Variants in MIS18A observed in about 807,000 individuals in gnomAD.
MIS18A encodes the protein protein Mis18-alpha.
A neutral mutation model predicts 25.0 loss-of-function variants in MIS18A; 14 were observed. That is an observed-to-expected ratio of 0.56 (90% CI 0.37 to 0.88). The LOEUF (loss-of-function observed/expected upper bound fraction) is 0.88. Ranked by LOEUF, MIS18A falls within the 40% of genes least tolerant of loss-of-function variation. The probability of loss-of-function intolerance (pLI) is 0.00; values close to 1 mark genes in which losing one functional copy is unlikely to be tolerated. For missense variants in MIS18A, 292 were observed against 290.8 expected, an observed-to-expected ratio of 1.00 and a Z score of -0.03; for synonymous variants, 134 against 118.6, an observed-to-expected ratio of 1.13 and a Z score of -0.84.
intron 2 of MIS18A, among the ~76,000 whole-genome samples, chr21:32,271,981 T>G (rs1569014563): frequency 1.3e-5 from 2 of 152,154 alleles, no homozygotes; most frequent in African/African-American, 4.8e-5. Context: ...TAAGACTGTT[T>G]TATCCCGAGT....
At chr21:32,264,960 C>A (rs1041486895), downstream of MIS18A, among the ~76,000 whole-genome samples, 2 of 152,204 alleles carry the variant, frequency 1.3e-5, no homozygotes, top group African/African-American at 4.8e-5. Context: ...GCACAATGTT[C>A]TACAAACATC....
chr21:32,217,724 G>A, the MIS18A span, among the ~76,000 whole-genome samples: 6 of 152,036 alleles, frequency 3.9e-5, no homozygotes, highest in Non-Finnish European at 7.4e-5. Context: ...AGACAGTAGA[G>A]ATCCATCATG....
the MIS18A span, among the ~76,000 whole-genome samples, chr21:32,227,049 T>A: frequency 6.6e-6 from 1 of 151,938 alleles, no homozygotes; most frequent in Non-Finnish European, 1.5e-5. Flanking sequence ...ACACAACATA[T>A]CTATGGGATG....
the MIS18A span, among the ~76,000 whole-genome samples, chr21:32,262,523 G>A: frequency 9.9e-5 from 15 of 152,156 alleles, no homozygotes; most frequent in Non-Finnish European, 1.6e-4. Flanking sequence ...TGAAAGTGAC[G>A]ACATCCTGGA....
the MIS18A span, among the ~76,000 whole-genome samples, chr21:32,209,394 G>A: frequency 3.3e-5 from 5 of 152,146 alleles, no homozygotes; most frequent in African/African-American, 1.2e-4. Context: ...CTGAACCTTG[G>A]CTCTACCATC....
At chr21:32,179,427 T>G in the MIS18A span, among the ~76,000 whole-genome samples, 1 of 132,310 alleles carries the variant, frequency 7.6e-6, no homozygotes, top group Non-Finnish European at 1.6e-5. Context: ...ATGTCCCCCT[T>G]CATGCACACA....
the MIS18A span, among the ~76,000 whole-genome samples, chr21:32,231,045 G>A: frequency 3.3e-5 from 5 of 151,784 alleles, no homozygotes; most frequent in African/African-American, 1.2e-4. Flanking sequence ...GACCAGCCTG[G>A]CCAACACAGT....
the MIS18A span, among the ~76,000 whole-genome samples, chr21:32,181,341 G>C: frequency 5.5e-4 from 84 of 152,116 alleles, no homozygotes; most frequent in South Asian, 1.0e-3. Context: ...GGACTCTTCA[G>C]CCTCCATAAT....
downstream of MIS18A, among the ~76,000 whole-genome samples, chr21:32,266,978 A>G (rs1012890494): frequency 1.3e-5 from 2 of 152,068 alleles, no homozygotes; most frequent in African/African-American, 2.4e-5. Flanking sequence ...ACACACACAC[A>G]CACACACACA....
At chr21:32,225,351 C>T in the MIS18A span, among the ~76,000 whole-genome samples, 3 of 100,764 alleles carry the variant, frequency 3.0e-5, 1 homozygote, top group Non-Finnish European at 5.6e-5. Context: ...CAACCTACAA[C>T]ATGGGAGAAA....
the MIS18A span, among the ~76,000 whole-genome samples, chr21:32,169,396 C>T: frequency 6.6e-6 from 1 of 152,042 alleles, no homozygotes; most frequent in African/African-American, 2.4e-5. Flanking sequence ...ATCATCAGTG[C>T]CAATTAATTA....
the MIS18A span, among the ~76,000 whole-genome samples, chr21:32,250,605 C>T: frequency 6.6e-6 from 1 of 152,228 alleles, no homozygotes; most frequent in Non-Finnish European, 1.5e-5. Context: ...ACTCTCAGAC[C>T]TTCCAGAAGG....
the MIS18A span, among the ~76,000 whole-genome samples, chr21:32,203,578 C>T: frequency 5.0e-5 from 7 of 140,654 alleles, no homozygotes; most frequent in Non-Finnish European, 9.1e-5. Context: ...TCTAGCTAAA[C>T]TATCAATCAA....
At chr21:32,191,898 T>A in the MIS18A span, among the ~76,000 whole-genome samples, 6 of 150,658 alleles carry the variant, frequency 4.0e-5, no homozygotes, top group Non-Finnish European at 7.4e-5. Flanking sequence ...AGAGTGAAAC[T>A]TCATCTCAAA....
intron 1 of MIS18A, among the ~76,000 whole-genome samples, chr21:32,277,009 AACAGAATGTAAATGT>A (rs2031824312): frequency 2.0e-5 from 3 of 152,364 alleles, no homozygotes; most frequent in Non-Finnish European, 4.4e-5. Context: ...ATAGCTACAG[AACAGAATGTAAATGT>A]ACAGAATGTA....
chr21:32,270,349 C>A, intron 3 of MIS18A, 58 bp downstream of exon 3: 1 of 1,587,882 alleles, frequency 6.3e-7, no homozygotes. Flanking sequence ...CTGACAATTC[C>A]GTGCCTTAAC....
chr21:32,249,260 G>C, the MIS18A span, among the ~76,000 whole-genome samples: 1 of 152,174 alleles, frequency 6.6e-6, no homozygotes, highest in Non-Finnish European at 1.5e-5. Context: ...CAGACTAGAG[G>C]AGTGAGTGTG....
the MIS18A span, among the ~76,000 whole-genome samples, chr21:32,234,228 A>G: frequency 6.6e-6 from 1 of 152,226 alleles, no homozygotes; most frequent in Non-Finnish European, 1.5e-5. Context: ...TTGATCAAAA[A>G]GAAGGAATCA....
At chr21:32,169,673 C>T in the MIS18A span, among the ~76,000 whole-genome samples, 1 of 151,938 alleles carries the variant, frequency 6.6e-6, no homozygotes, top group Non-Finnish European at 1.5e-5. Context: ...AGATATACCC[C>T]GACACACACA....
Sources: allele counts gnomAD v4.1 joint callset (sites outside exome capture counted in the v4.1 genomes callset), GRCh38; gene constraint gnomAD v4.1.1; transcripts MANE v1.5; gene names NCBI Gene and HGNC (gene_info 2026-07-23, HGNC 2026-07-21).